Variants in ZNF215 observed in about 807,000 individuals in gnomAD.
ZNF215 encodes zinc finger protein 215.
A neutral mutation model predicts 27.2 loss-of-function variants in ZNF215; 24 were observed. That is an observed-to-expected ratio of 0.88 (90% CI 0.64 to 1.24). The LOEUF (loss-of-function observed/expected upper bound fraction) is 1.24, where lower values mean the gene tolerates loss of function less well. Ranked by LOEUF, ZNF215 falls within the 50% of genes most tolerant of loss-of-function variation. The pLI is 0.00. For missense variants in ZNF215, 675 were observed against 605.7 expected (o/e 1.11, Z -1.20); for synonymous variants, 210 against 204.0 (o/e 1.03, Z -0.25).
downstream of ZNF215, among the ~76,000 whole-genome samples, chr11:6,985,008 C>G (rs529978682): frequency 3.3e-5 from 5 of 152,200 alleles, no homozygotes; most frequent in South Asian, 1.0e-3. Context: ...TGAAACCATT[C>G]CAAAAAATTG....
chr11:6,963,681 G>A (rs987289422), intron 5 of ZNF215, among the ~76,000 whole-genome samples: 2 of 152,004 alleles, frequency 1.3e-5, no homozygotes, highest in Non-Finnish European at 2.9e-5. Context: ...TATGGTAGGT[G>A]TATGTTTATC....
intron 5 of ZNF215, among the ~76,000 whole-genome samples, chr11:6,973,296 T>C (rs1428493710): frequency 6.6e-6 from 1 of 152,218 alleles, no homozygotes; most frequent in East Asian, 1.9e-4. Context: ...CAGTCTATCA[T>C]TGATGGGCAT....
chr11:6,958,322 TA>T (rs1850444624), downstream of ZNF215, among the ~76,000 whole-genome samples: 2 of 152,226 alleles, frequency 1.3e-5, no homozygotes, highest in Non-Finnish European at 2.9e-5. Context: ...GGTTGAAAGA[TA>T]GAAGTACTAT....
At chr11:6,955,597 C>T (rs549751689) in intron 6 of ZNF215, 93 bp from the exon 7 acceptor site, 128 of 1,221,562 alleles carry the variant, frequency 1.0e-4, no homozygotes, top group South Asian at 1.4e-4. Context: ...ATTTAAGACC[C>T]GTGGTATATG....
intron 3 of ZNF215, among the ~76,000 whole-genome samples, chr11:6,941,027 C>G (rs1849616117): frequency 6.6e-6 from 1 of 152,104 alleles, no homozygotes; most frequent in Non-Finnish European, 1.5e-5. Flanking sequence ...CACTGAATGG[C>G]TGGATAAGAG....
chr11:6,940,048 C>T (rs547181512), intron 3 of ZNF215, among the ~76,000 whole-genome samples: 1 of 150,944 alleles, frequency 6.6e-6, no homozygotes, highest in South Asian at 2.1e-4. Context: ...CATTGAAAGA[C>T]CCTGTCTCTA....
At chr11:6,990,103 A>G (rs921208583), downstream of ZNF215, among the ~76,000 whole-genome samples, 5 of 152,118 alleles carry the variant, frequency 3.3e-5, no homozygotes, top group Admixed American at 2.0e-4. Flanking sequence ...GCTCAGGGAG[A>G]CAGATTTGAA....
intron 6 of ZNF215, among the ~76,000 whole-genome samples, chr11:6,947,642 T>G (rs893267075): frequency 6.6e-6 from 1 of 152,198 alleles, no homozygotes; most frequent in Non-Finnish European, 1.5e-5. Flanking sequence ...GAAATACAAT[T>G]GGAAATTCTG....
At chr11:6,939,223 G>C (rs1207682368) in intron 3 of ZNF215, among the ~76,000 whole-genome samples, 1 of 152,168 alleles carries the variant, frequency 6.6e-6, no homozygotes, top group Non-Finnish European at 1.5e-5. Flanking sequence ...TTGCTGGAAG[G>C]GGTGTCTGTG....
chr11:6,972,100 A>G (rs1433409165), intron 5 of ZNF215, among the ~76,000 whole-genome samples: 1 of 152,114 alleles, frequency 6.6e-6, no homozygotes, highest in Non-Finnish European at 1.5e-5. Flanking sequence ...ACTGCCTACT[A>G]TTATCTGGGA....
In ZNF215 at chr11:6,957,412, A is replaced by G. The variant is rs1416733203; in HGVS notation, c.*881A>G. ...GTGCCCTGCAGTGGAATGGCTCCTAATCAGGGTTTGTTCCCACCATTGCCC... is the reference window on the plus strand; with the variant it reads ...GTGCCCTGCAGTGGAATGGCTCCTAGTCAGGGTTTGTTCCCACCATTGCCC... On this transcript the variant is annotated 3_prime_UTR_variant, in exon 7 of 7. Coordinates refer to ENST00000278319, the MANE Select transcript of ZNF215 (RefSeq NM_013250.4). 1 of 170,164 alleles carries G rather than the reference A, an allele frequency of 5.9e-6. No individual in the cohort carries two copies. Among genetic ancestry groups the G allele is most frequent in the Non-Finnish European group, 1.2e-5 (1 of 84,518 alleles). The allele number at this position is 170,164 out of a possible 1,614,324, so 10.5% of individuals were successfully genotyped here. A position where few individuals can be genotyped will look rare whatever the true frequency, so the allele number is the denominator to read the frequency against.
chr11:6,953,454 A>G (rs906241894), intron 6 of ZNF215, among the ~76,000 whole-genome samples: 2 of 152,014 alleles, frequency 1.3e-5, no homozygotes, highest in Non-Finnish European at 2.9e-5. Context: ...TTTTTTCTCT[A>G]AACCTCCTTT....
chr11:6,927,342 C>T (rs1025824103), intron 1 of ZNF215, among the ~76,000 whole-genome samples: 8 of 152,202 alleles, frequency 5.3e-5, no homozygotes, highest in African/African-American at 1.9e-4. Flanking sequence ...TTCTGTTCCT[C>T]TTTATCTAAG....
At chr11:6,980,464 C>T (rs534284092) in intron 5 of ZNF215, among the ~76,000 whole-genome samples, 37 of 152,016 alleles carry the variant, frequency 2.4e-4, no homozygotes, top group Non-Finnish European at 4.4e-5. Context: ...CTAGAAAAAT[C>T]CGTTTTCAAT....
chr11:6,980,127 C>T (rs1316553437), intron 5 of ZNF215, among the ~76,000 whole-genome samples: 1 of 152,062 alleles, frequency 6.6e-6, no homozygotes, highest in East Asian at 1.9e-4. Flanking sequence ...AACAATCAAT[C>T]AGTTAACAAA....
chr11:6,936,432 G>A (rs1374719941), intron 3 of ZNF215, among the ~76,000 whole-genome samples: 1 of 151,940 alleles, frequency 6.6e-6, no homozygotes, highest in African/African-American at 2.4e-5. Flanking sequence ...GACCAAAACT[G>A]ACTGAAGAAG....
intron 2 of ZNF215, 52 bp from the exon 3 acceptor site, chr11:6,932,042 A>G (rs949764577): frequency 6.8e-6 from 3 of 440,576 alleles, no homozygotes; most frequent in African/African-American, 5.9e-5. Context: ...GTGTTTTAAC[A>G]CTATGCTAAT....
At chr11:6,963,017 C>A (rs1850548927), downstream of ZNF215, among the ~76,000 whole-genome samples, 1 of 152,038 alleles carries the variant, frequency 6.6e-6, no homozygotes, top group Admixed American at 6.6e-5. Context: ...CAGAAACTAT[C>A]AATTCTCAAG....
At chr11:6,941,882 A>G (rs1334735173) in intron 4 of ZNF215, among the ~76,000 whole-genome samples, 2 of 152,212 alleles carry the variant, frequency 1.3e-5, no homozygotes, top group African/African-American at 2.4e-5. Flanking sequence ...ATCTGTAGAC[A>G]CTATAGATGT....
Sources: allele counts gnomAD v4.1 joint callset (sites outside exome capture counted in the v4.1 genomes callset), GRCh38; gene constraint gnomAD v4.1.1; transcripts MANE v1.5; gene names NCBI Gene and HGNC (gene_info 2026-07-23, HGNC 2026-07-21).